The following JPH1 variants were observed in gnomAD, a reference collection of about 807,000 sequenced individuals.
JPH1 encodes the protein junctophilin-1.
A neutral mutation model predicts 53.6 loss-of-function variants in JPH1; 12 were observed. The ratio of observed to expected loss-of-function variants is 0.22; its 90% CI spans 0.14 to 0.36. The LOEUF (loss-of-function observed/expected upper bound fraction) is 0.36. Ranked by LOEUF, JPH1 falls within the 10% of genes least tolerant of loss-of-function variation. The pLI, the probability that JPH1 is intolerant of heterozygous loss-of-function variation, is 1.00. For synonymous variants in JPH1, 375 were observed against 363.8 expected, an observed-to-expected ratio of 1.03 and a Z score of -0.35; for missense variants, 808 against 905.5, an observed-to-expected ratio of 0.89 and a Z score of 1.38.
At chr8:74,265,249 T>C (rs1365376020) in intron 2 of JPH1, among the ~76,000 whole-genome samples, 3 of 152,238 alleles carry the variant, frequency 2.0e-5, no homozygotes, top group African/African-American at 7.2e-5. Context: ...GGAATAGCGG[T>C]GTCTACTATT....
intron 2 of JPH1, among the ~76,000 whole-genome samples, chr8:74,302,875 CTAAA>C (rs557624616): frequency 1.3e-3 from 191 of 151,098 alleles, no homozygotes; most frequent in African/African-American, 4.5e-3. Context: ...AGAGCTGGCA[CTAAA>C]TAAATGTTTG....
In JPH1 at chr8:74,320,935, T is replaced by C. The variant is rs1346215890; in HGVS notation, c.353A>G (p.Tyr118Cys). 27 of 1,594,038 alleles carry C rather than the reference T, an allele frequency of 1.7e-5. No individual in the cohort carries two copies. Among genetic ancestry groups the C allele is most frequent in the Non-Finnish European group, 2.3e-5 (27 of 1,170,580 alleles). The change falls in exon 1 of 6, where the codon TAC becomes TGC. Residue 118 changes from tyrosine to cysteine, a missense_variant. This residue lies in a region of JPH1 where 756 missense variants were observed against 811.9 expected (regional missense o/e 0.93). Coordinates refer to ENST00000342232, the MANE Select transcript of JPH1 (RefSeq NM_020647.4). This position sits in a 1 kb window ranked among gnomAD's most constrained non-coding sequence, Gnocchi z 4.4. Reference sequence around the variant, plus strand: ...TCCGTCCCCGTAGGTCTCCACGCCGTACCCGTCTTGCAGCCCGTTACTCCA... The same window carrying C: ...TCCGTCCCCGTAGGTCTCCACGCCGCACCCGTCTTGCAGCCCGTTACTCCA... The part of the protein sequence containing the change: ...GTWSNGLQDG[Y>C]GVETYGDGGT...
At chr8:74,286,995 T>C (rs150175471) in intron 2 of JPH1, among the ~76,000 whole-genome samples, 52 of 151,902 alleles carry the variant, frequency 3.4e-4, no homozygotes, top group Admixed American at 5.9e-4. Context: ...ATGACAAGAG[T>C]CTATGTAGGA....
At chr8:74,260,134 C>T (rs1394266945) in intron 2 of JPH1, among the ~76,000 whole-genome samples, 1 of 152,228 alleles carries the variant, frequency 6.6e-6, no homozygotes, top group Non-Finnish European at 1.5e-5. Context: ...GCTCTAAGAA[C>T]ATGCTCAGAA....
At chr8:74,274,583 A>G (rs534778761) in intron 2 of JPH1, among the ~76,000 whole-genome samples, 1 of 152,324 alleles carries the variant, frequency 6.6e-6, no homozygotes, top group Admixed American at 6.5e-5. Context: ...TCTGTGCTAG[A>G]CAGAGGGTAT....
chr8:74,268,177 T>C (rs1229511772), intron 2 of JPH1, among the ~76,000 whole-genome samples: 2 of 152,094 alleles, frequency 1.3e-5, no homozygotes, highest in Non-Finnish European at 2.9e-5. Context: ...ACTTAACAGA[T>C]AAATGCCCAC....
At chr8:74,242,211 T>C (rs1586729626) in intron 4 of JPH1, among the ~76,000 whole-genome samples, 1 of 152,230 alleles carries the variant, frequency 6.6e-6, no homozygotes, top group African/African-American at 2.4e-5. Context: ...ATCCTGAGGA[T>C]GGATCAGATC....
In JPH1 at chr8:74,237,256, C is replaced by A. The variant is rs531851268; in HGVS notation, c.1953G>T (p.Gly651=). The part of the protein sequence containing the change: ...MIVLVMLLNI[G]LAILFVHFLT ...GAAAGTGAACAAAAAGAATGGCCAA[C>A]CCGATATTCAACAGCATGACAAGGA... The change falls in exon 5 of 6, where the codon GGG becomes GGT. Residue 651 remains glycine, a synonymous_variant. Coordinates refer to ENST00000342232, the MANE Select transcript of JPH1 (RefSeq NM_020647.4). The A allele has an allele frequency of 1.2e-6, 2 of 1,613,406 alleles. No homozygotes were observed. The highest frequency in any genetic ancestry group is 2.7e-5 in the African/African-American group (2 of 74,874).
chr8:74,259,337 G>T, intron 3 of JPH1, 48 bp downstream of exon 3: 1 of 1,381,252 alleles, frequency 7.2e-7, no homozygotes, highest in Non-Finnish European at 1.0e-6. Context: ...ATAAAAGCAA[G>T]CCAAAGCCAG....
Position 74,281,067 on chromosome 8 carries a change from G to A in JPH1, c.1140-21564C>T, listed in dbSNP as rs549013809. Among the ~76,000 whole-genome samples, 3 of 152,268 alleles carry A rather than the reference G, an allele frequency of 2.0e-5. No homozygotes were observed. In the East Asian group the frequency reaches 5.8e-4, roughly 29 times the overall value. ...TCCGCGTGGTTCTGTCTTTCACCTG[G>A]AAATAATTAAAATGTTATGGGGAAA... On this transcript the variant is annotated intron_variant, in intron 2 of 5. Transcript: ENST00000342232.
intron 2 of JPH1, among the ~76,000 whole-genome samples, chr8:74,306,047 G>A (rs1247204164): frequency 6.6e-6 from 1 of 152,092 alleles, no homozygotes; most frequent in Admixed American, 6.5e-5. Flanking sequence ...CTTTAGAAAC[G>A]AGATATCCTA....
At chr8:74,260,649 C>T (rs995371433) in intron 2 of JPH1, among the ~76,000 whole-genome samples, 1 of 152,134 alleles carries the variant, frequency 6.6e-6, no homozygotes, top group African/African-American at 2.4e-5. Context: ...GGATGCTCTT[C>T]AGGGAGAACA....
At chr8:74,307,155 T>TCCCTTCCTGTTTCCTTCCTC (rs1483236048) in intron 2 of JPH1, among the ~76,000 whole-genome samples, 1 of 152,158 alleles carries the variant, frequency 6.6e-6, no homozygotes, top group Non-Finnish European at 1.5e-5. Context: ...AATCCTTCCT[T>TCCCTTCCTGTTTCCTTCCTC]CCCTTCCTGT....
intron 2 of JPH1, among the ~76,000 whole-genome samples, chr8:74,292,377 G>A (rs1428717606): frequency 1.3e-5 from 2 of 152,082 alleles, no homozygotes; most frequent in African/African-American, 4.8e-5. Flanking sequence ...GACATCAAAC[G>A]GCCAATAAGC....
At chr8:74,268,813 G>A (rs921950153) in intron 2 of JPH1, among the ~76,000 whole-genome samples, 2 of 152,122 alleles carry the variant, frequency 1.3e-5, no homozygotes, top group Non-Finnish European at 2.9e-5. Context: ...ACTGTATAAT[G>A]GGCAAAATAC....
At position 74,295,736 on chromosome 8, in the gene JPH1, A is replaced by G. The variant is rs1027515116; in HGVS notation, c.1139+19125T>C. On this transcript the variant is annotated intron_variant, in intron 2 of 5. Transcript: ENST00000342232. The stretch of plus-strand genomic sequence containing the variant: ...CAGGGCTAGTATCCTGAGGAAAAGC[A>G]GGATATTCTCTTGCAGCTTGCCTGC... Among the ~76,000 whole-genome samples the G allele has an allele frequency of 3.3e-5, 5 of 152,148 alleles. No individual in the cohort carries two copies. In the South Asian group the frequency reaches 8.3e-4, roughly 25 times the overall value.
intron 2 of JPH1, among the ~76,000 whole-genome samples, chr8:74,285,059 G>A (rs1419512229): frequency 6.6e-6 from 1 of 152,076 alleles, no homozygotes; most frequent in Non-Finnish European, 1.5e-5. Flanking sequence ...TCCTGACCTT[G>A]TAATCCACCC....
chr8:74,301,325 A>G (rs1422568067), intron 2 of JPH1, among the ~76,000 whole-genome samples: 1 of 152,226 alleles, frequency 6.6e-6, no homozygotes, highest in Non-Finnish European at 1.5e-5. Flanking sequence ...CAGAAAATGC[A>G]GCTCCCAAAC....
At chr8:74,300,060 T>C (rs970732954) in intron 2 of JPH1, among the ~76,000 whole-genome samples, 5 of 152,224 alleles carry the variant, frequency 3.3e-5, no homozygotes, top group African/African-American at 1.2e-4. Flanking sequence ...GTTCCAACAA[T>C]GGGCTGAAAG....
Sources: gnomAD v4.1 joint callset for allele counts (sites outside exome capture counted in the v4.1 genomes callset) on GRCh38, gnomAD v4.1.1 for gene constraint, gnomAD v4.1.1 regional missense constraint, Gnocchi (gnomAD v3.1) non-coding constraint, MANE v1.5 for transcripts, NCBI Gene and HGNC (gene_info 2026-07-23, HGNC 2026-07-21) for gene names.